The following SLC14A2 variants were observed in gnomAD, a reference collection of about 807,000 sequenced individuals.
The protein encoded by SLC14A2 is solute carrier family 14 member 2, also known as urea transporter 2.
SLC14A2 carries 91 observed loss-of-function variants against 104.6 expected under a neutral mutation model. The ratio of observed to expected loss-of-function variants is 0.87; its 90% CI spans 0.73 to 1.04. The LOEUF (loss-of-function observed/expected upper bound fraction) is 1.04, where lower values mean the gene tolerates loss of function less well. SLC14A2 is among the 50% of genes least tolerant of loss of function. The pLI is 0.00. For synonymous variants in SLC14A2, 476 were observed against 466.4 expected, an observed-to-expected ratio of 1.02 and a Z score of -0.27; for missense variants, 1,189 against 1,156.0, an observed-to-expected ratio of 1.03 and a Z score of -0.41.
rs577820257 is a variant in SLC14A2 at position 45,441,444 on chromosome 18, G to A, written c.-124-41789G>A. ...AATGCCATAGCCATTACCCAGGACC[G>A]CCATGGATCTTGGCTTCAGGAGACA... is the stretch of plus-strand genomic sequence containing the variant. On this transcript the variant is annotated intron_variant, in intron 1 of 20. Transcript: ENST00000586448. Among the ~76,000 whole-genome samples the A allele has an allele frequency of 1.5e-4, 23 of 152,272 alleles. No homozygotes were observed. In the East Asian group the frequency reaches 2.7e-3, roughly 18 times the overall value.
At chr18:45,595,412 T>G (rs2044707251) in intron 2 of SLC14A2, among the ~76,000 whole-genome samples, 1 of 152,150 alleles carries the variant, frequency 6.6e-6, no homozygotes, top group African/African-American at 2.4e-5. Flanking sequence ...CTGGGTTTTT[T>G]TTTTTTTAAG....
chr18:45,250,683 C>T (rs1355527530), intron 1 of SLC14A2, among the ~76,000 whole-genome samples: 1 of 150,984 alleles, frequency 6.6e-6, no homozygotes, highest in Non-Finnish European at 1.5e-5. Context: ...TTGAGAAAGA[C>T]CCAGGAGGTC....
chr18:45,482,053 C>T (rs1445485500), intron 1 of SLC14A2, among the ~76,000 whole-genome samples: 1 of 152,094 alleles, frequency 6.6e-6, no homozygotes, highest in Non-Finnish European at 1.5e-5. Context: ...GCCAGCAGGA[C>T]TGTAAATGAA....
At chr18:45,273,381 TG>T (rs1380996108) in intron 1 of SLC14A2, among the ~76,000 whole-genome samples, 2 of 152,146 alleles carry the variant, frequency 1.3e-5, no homozygotes, top group Non-Finnish European at 2.9e-5. Context: ...GAAAATGGGA[TG>T]CTATGATTGG....
chr18:45,219,119 A>T (rs2084038293), intron 1 of SLC14A2, among the ~76,000 whole-genome samples: 1 of 152,184 alleles, frequency 6.6e-6, no homozygotes, highest in African/African-American at 2.4e-5. Flanking sequence ...TCCATAGACA[A>T]ATAAATTTGC....
intron 2 of SLC14A2, among the ~76,000 whole-genome samples, chr18:45,594,996 T>C (rs990717454): frequency 1.3e-5 from 2 of 152,132 alleles, no homozygotes; most frequent in Middle Eastern, 3.2e-3. Context: ...TTCTCCGGAA[T>C]GTAATCCTTT....
rs773895190 is a variant in SLC14A2 at position 45,683,093 on chromosome 18, C to CAA, written c.*587_*588dup. The CAA allele has an allele frequency of 5.1e-4, 51 of 100,284 alleles. No homozygotes were observed. The highest frequency in any genetic ancestry group is 1.3e-3 in the African/African-American group (37 of 27,936). 6.2% of individuals were successfully genotyped at this position (100,284 alleles called of 1,614,324 possible). On this transcript the variant is annotated 3_prime_UTR_variant, in exon 20 of 20. Coordinates refer to ENST00000255226, the MANE Select transcript of SLC14A2 (RefSeq NM_007163.4). ...TGGGCAACGGAGTGAGACTCTGTCT[C>CAA]AAAAAAAAAAAAAAGGGGAAGTCAC...
intron 1 of SLC14A2, among the ~76,000 whole-genome samples, chr18:45,478,187 G>A (rs1044787788): frequency 2.6e-5 from 4 of 152,214 alleles, no homozygotes; most frequent in Non-Finnish European, 5.9e-5. Flanking sequence ...GAGCCAGAAT[G>A]CACTGTTCCT....
intron 19 of SLC14A2, among the ~76,000 whole-genome samples, chr18:45,680,507 A>G (rs1187442077): frequency 6.6e-6 from 1 of 152,234 alleles, no homozygotes; most frequent in Non-Finnish European, 1.5e-5. Context: ...AACAGGAAAT[A>G]AAAATGTTGA....
In SLC14A2 at chr18:45,647,456, C is replaced by T. The variant is rs530736048; in HGVS notation, c.1351+3296C>T. On this transcript the variant is annotated intron_variant, in intron 10 of 19. Coordinates refer to ENST00000255226, the MANE Select transcript of SLC14A2 (RefSeq NM_007163.4). Reference sequence around the variant, plus strand: ...AATTTTATTGACTTTTTCAAAGAAGCGATTTTGGATTTATTTGTCCTTTCT... The same window carrying T: ...AATTTTATTGACTTTTTCAAAGAAGTGATTTTGGATTTATTTGTCCTTTCT... The T allele has an allele frequency of 7.2e-5, 11 of 152,168 alleles. No individual in the cohort carries two copies. The South Asian group carries it at 1.5e-3, about 20-fold the overall frequency. The allele number at this position is 152,168 out of a possible 1,614,324, so 9.4% of individuals were successfully genotyped here. A position where few individuals can be genotyped will look rare whatever the true frequency, so the allele number is the denominator to read the frequency against.
intron 2 of SLC14A2, among the ~76,000 whole-genome samples, chr18:45,570,302 G>T (rs1343553419): frequency 1.3e-5 from 2 of 151,844 alleles, no homozygotes; most frequent in Non-Finnish European, 2.9e-5. Context: ...TAAGACCCAG[G>T]CTCCAGACTC....
At chr18:45,469,724 G>A (rs1399243101) in intron 1 of SLC14A2, among the ~76,000 whole-genome samples, 5 of 152,180 alleles carry the variant, frequency 3.3e-5, no homozygotes. Flanking sequence ...ACTTTCAGAG[G>A]GAGTGAAGAG....
intron 2 of SLC14A2, among the ~76,000 whole-genome samples, chr18:45,506,678 T>G (rs2043291320): frequency 1.3e-5 from 2 of 152,176 alleles, no homozygotes; most frequent in African/African-American, 4.8e-5. Context: ...AGAAAATTTT[T>G]TCTCTAGTGC....
At position 45,221,158 on chromosome 18, in the gene SLC14A2, A is replaced by G. The variant is rs2084058282; in HGVS notation, c.-125+7967A>G. Among the ~76,000 whole-genome samples, 3 of 152,196 alleles carry G rather than the reference A, an allele frequency of 2.0e-5. 1 individual carries two copies. In the South Asian group the frequency reaches 6.2e-4, roughly 32 times the overall value. ...CAGCCCATAACAGGGTCATTTAATC[A>G]AACCATCTAACTGCCAGGGGTACAG... On this transcript the variant is annotated intron_variant, in intron 1 of 20. Transcript: ENST00000586448.
chr18:45,245,761 CCACT>C lies in SLC14A2; in HGVS notation c.-125+32577_-125+32580del, dbSNP rs147024283. ...TCATCATTCCTTCATAAAATACTATCCACTCACTCAGTCACCAATCATCCATTTC... is the reference window on the plus strand; with the variant it reads ...TCATCATTCCTTCATAAAATACTATCCACTCAGTCACCAATCATCCATTTC... On this transcript the variant is annotated intron_variant, in intron 1 of 20. Coordinates refer to the SLC14A2 transcript ENST00000586448. Among the ~76,000 whole-genome samples the C allele has an allele frequency of 1.4e-3, 216 of 152,324 alleles. 5 individuals are homozygous for C. In the East Asian group the frequency reaches 0.037, roughly 26 times the overall value.
At chr18:45,576,089 C>A (rs2044414801) in intron 2 of SLC14A2, among the ~76,000 whole-genome samples, 1 of 152,122 alleles carries the variant, frequency 6.6e-6, no homozygotes, top group Non-Finnish European at 1.5e-5. Flanking sequence ...TAACTCTAAT[C>A]ATCTCTCCTG....
chr18:45,210,738 A>G (rs2083954547), upstream of SLC14A2, among the ~76,000 whole-genome samples: 1 of 152,074 alleles, frequency 6.6e-6, no homozygotes, highest in Non-Finnish European at 1.5e-5. Context: ...TGCTAGTGTA[A>G]CTTTAACCAA....
intron 1 of SLC14A2, among the ~76,000 whole-genome samples, chr18:45,341,448 G>T (rs889771493): frequency 2.6e-5 from 4 of 152,150 alleles, no homozygotes; most frequent in Admixed American, 1.3e-4. Flanking sequence ...GAGTGACACT[G>T]ACTTGTTTAA....
intron 1 of SLC14A2, among the ~76,000 whole-genome samples, chr18:45,214,665 A>G (rs12327507): frequency 0.24 from 36,517 of 152,004 alleles, 4,614 homozygotes; most frequent in African/African-American, 0.32. Flanking sequence ...TTCACTTGGT[A>G]CTCAGACAGC....
Sources: gnomAD v4.1 joint callset for allele counts (sites outside exome capture counted in the v4.1 genomes callset) on GRCh38, gnomAD v4.1.1 for gene constraint, MANE v1.5 for transcripts, NCBI Gene and HGNC (gene_info 2026-07-23, HGNC 2026-07-21) for gene names.